Variants in TBCD observed in about 807,000 individuals in gnomAD.
TBCD encodes tubulin-specific chaperone D.
Under a neutral mutation model 169.3 loss-of-function variants are expected in TBCD, and 105 were observed. That is an observed-to-expected ratio of 0.62 (90% confidence interval 0.53 to 0.73). TBCD has a LOEUF of 0.73. Ranked by LOEUF, TBCD falls within the 30% of genes least tolerant of loss-of-function variation. TBCD has a pLI of 0.00. For missense variants in TBCD, 1,444 were observed against 1,600.1 expected, an observed-to-expected ratio of 0.90 and a Z score of 1.66; for synonymous variants, 700 against 643.9, an observed-to-expected ratio of 1.09 and a Z score of -1.32.
chr17:82,832,774 A>T lies in TBCD; in HGVS notation c.1318+17840A>T. The T allele has an allele frequency of 2.3e-6, 1 of 436,462 alleles. No homozygotes were observed. The highest frequency in any genetic ancestry group is 4.2e-6 in the Non-Finnish European group (1 of 236,120). 27.0% of individuals were successfully genotyped at this position (436,462 alleles called of 1,614,324 possible). On this transcript the variant is annotated intron_variant, in intron 13 of 38. Transcript: ENST00000355528. The surrounding 1 kb of genome is among the most constrained non-coding windows in gnomAD (Gnocchi z 4.9). ...GAAACTGCCTGCTCCTGAGGGGAGCAGCTGCCGGTCACAGAAGCAGCCCTG... is the reference window on the plus strand; with the variant it reads ...GAAACTGCCTGCTCCTGAGGGGAGCTGCTGCCGGTCACAGAAGCAGCCCTG...
chr17:82,843,805 G>A (rs758718868), intron 13 of TBCD, among the ~76,000 whole-genome samples: 5 of 152,144 alleles, frequency 3.3e-5, no homozygotes, highest in Non-Finnish European at 4.4e-5. Flanking sequence ...TTTGACAAAT[G>A]TGTTCTCCCA....
At position 82,890,363 on chromosome 17, in the gene TBCD, C is replaced by T. The variant is rs1044298146; in HGVS notation, c.1563+666C>T. On this transcript the variant is annotated intron_variant, in intron 16 of 38. Coordinates refer to ENST00000355528, the MANE Select transcript of TBCD (RefSeq NM_005993.5). The surrounding 1 kb of genome is among the most constrained non-coding windows in gnomAD (Gnocchi z 5.3). ...AGCAAAGTTCCCACGAGAAGTCAGC[C>T]GAGAAGGCTCTGGAGTTCCCGGACA... Among the ~76,000 whole-genome samples, 5 of 152,078 alleles carry T rather than the reference C, an allele frequency of 3.3e-5. No homozygotes were observed. The highest frequency in any genetic ancestry group is 1.3e-4 in the Admixed American group (2 of 15,272).
At chr17:82,878,973 C>G (rs1251850848) in intron 14 of TBCD, among the ~76,000 whole-genome samples, 1 of 151,070 alleles carries the variant, frequency 6.6e-6, no homozygotes. Flanking sequence ...TAATCTAACA[C>G]TAACTATTGT....
Position 82,889,583 on chromosome 17 carries a change from C to G in TBCD, c.1534-85C>G. The G allele has an allele frequency of 1.3e-6, 2 of 1,536,044 alleles. No individual in the cohort carries two copies. The highest frequency in any genetic ancestry group is 2.2e-5 in the East Asian group (1 of 44,492). ...AAAAAATAAAGCCGTGGGTCATTCA[C>G]GTTGTGCTGTTTGTTCTGAACTTGC... is the stretch of plus-strand genomic sequence containing the variant. On this transcript the variant is annotated intron_variant, in intron 15 of 38. Transcript: ENST00000355528. The surrounding 1 kb of genome is among the most constrained non-coding windows in gnomAD (Gnocchi z 5.3).
chr17:82,876,213 C>G (rs1039989473), intron 14 of TBCD, among the ~76,000 whole-genome samples: 34 of 152,192 alleles, frequency 2.2e-4, no homozygotes, highest in African/African-American at 8.2e-4. Flanking sequence ...CCCCTTGACT[C>G]GGACAGGAAA....
At chr17:82,932,386 C>T (rs2125479) in intron 33 of TBCD, among the ~76,000 whole-genome samples, 74,594 of 152,066 alleles carry the variant, frequency 0.49, 18,634 homozygotes, top group East Asian at 0.65. Flanking sequence ...TTTGGACTCT[C>T]CTGTGCCCGA....
rs577519919 is a variant in TBCD at position 82,806,638 on chromosome 17, C to G, written c.1087+627C>G. Among the ~76,000 whole-genome samples the G allele has an allele frequency of 3.3e-5, 5 of 152,246 alleles. No individual in the cohort carries two copies. In the East Asian group the frequency reaches 7.8e-4, roughly 24 times the overall value. ...GAGGCCCCCATCCTCCCAGTATCTC[C>G]CAGCTTCCTGATGGGCAGGCGGGGC... On this transcript the variant is annotated intron_variant, in intron 10 of 38. Coordinates refer to ENST00000355528, the MANE Select transcript of TBCD (RefSeq NM_005993.5). The surrounding 1 kb of genome is among the most constrained non-coding windows in gnomAD (Gnocchi z 5.1).
intron 13 of TBCD, chr17:82,830,105 T>TG (rs1300790535): frequency 6.2e-7 from 1 of 1,611,970 alleles, no homozygotes; most frequent in Admixed American, 1.7e-5. Flanking sequence ...GGCGTGTGTG[T>TG]GGCCGTAGCT....
intron 34 of TBCD, 150 bp downstream of exon 34, chr17:82,932,885 TCA>T: frequency 1.5e-6 from 1 of 684,312 alleles, no homozygotes; most frequent in South Asian, 1.8e-5. Flanking sequence ...AATACCGTCA[TCA>T]CAGCTGGCCC....
intron 38 of TBCD, 80 bp from the exon 39 acceptor site, chr17:82,942,369 C>G: frequency 4.4e-6 from 7 of 1,601,330 alleles, no homozygotes. Flanking sequence ...CACACAGGGC[C>G]CAGAGGGGTG....
intron 13 of TBCD, chr17:82,830,228 C>T: frequency 6.2e-7 from 1 of 1,614,220 alleles, no homozygotes; most frequent in Non-Finnish European, 8.5e-7. Flanking sequence ...TGGGATTTTC[C>T]AGCATCCCTT....
intron 7 of TBCD, among the ~76,000 whole-genome samples, chr17:82,783,484 A>G (rs1796150532): frequency 6.6e-6 from 1 of 152,178 alleles, no homozygotes; most frequent in Admixed American, 6.5e-5. Context: ...TCGTGAGAGA[A>G]ACCTTGATTG....
At chr17:82,882,829 G>A (rs940088807) in intron 14 of TBCD, among the ~76,000 whole-genome samples, 2 of 152,236 alleles carry the variant, frequency 1.3e-5, no homozygotes, top group Non-Finnish European at 2.9e-5. Flanking sequence ...GAGAACAGAC[G>A]GGATGTCATG....
rs1388110719 is a variant in TBCD at position 82,772,261 on chromosome 17, T to C, written c.583-191T>C. ...GCACTTCCTGGGTGAGTGTAGCAGT[T>C]GGCAGCTGTAGCCCTTGGCTCAGAT... On this transcript the variant is annotated intron_variant, in intron 5 of 38. Coordinates refer to ENST00000355528, the MANE Select transcript of TBCD (RefSeq NM_005993.5). Among the ~76,000 whole-genome samples, 3 of 152,194 alleles carry C rather than the reference T, an allele frequency of 2.0e-5. No homozygotes were observed. In the East Asian group the frequency reaches 5.8e-4, roughly 29 times the overall value.
chr17:82,934,441 G>T (rs143231749), intron 34 of TBCD, among the ~76,000 whole-genome samples: 49 of 152,206 alleles, frequency 3.2e-4, no homozygotes, highest in Middle Eastern at 3.4e-3. Flanking sequence ...CGGTTGTGGC[G>T]TATTATCCTT....
Position 82,903,591 on chromosome 17 carries a change from G to A in TBCD, c.1804+113G>A, listed in dbSNP as rs2060032705. 8 of 1,093,738 alleles carry A rather than the reference G, an allele frequency of 7.3e-6. No homozygotes were observed. Among genetic ancestry groups the A allele is most frequent in the Non-Finnish European group, 1.1e-5 (8 of 758,054 alleles). The allele number at this position is 1,093,738 out of a possible 1,614,324, so 67.8% of individuals were successfully genotyped here. ...AATAAGGTTGTGCTTCTGTCTTGGT[G>A]AGAAGCATCTGAGGAAAGAGCTGTG... On this transcript the variant is annotated intron_variant, in intron 19 of 38. Coordinates refer to ENST00000355528, the MANE Select transcript of TBCD (RefSeq NM_005993.5). The surrounding 1 kb of genome is among the most constrained non-coding windows in gnomAD (Gnocchi z 4.8).
intron 34 of TBCD, chr17:82,932,946 G>GT (rs982898067): frequency 3.5e-6 from 2 of 579,574 alleles, no homozygotes; most frequent in Non-Finnish European, 3.1e-6. Context: ...TATTATGACT[G>GT]TAAGTGCAGT....
At position 82,917,025 on chromosome 17, in the gene TBCD, T is replaced by C. The variant is rs200319034; in HGVS notation, c.2039-3531T>C. ...GGACTTTTTTTTTTCTTTTCTTTTCTTTTTTTTTTTTTTGAGTTGGAGTCT... is the reference window on the plus strand; with the variant it reads ...GGACTTTTTTTTTTCTTTTCTTTTCCTTTTTTTTTTTTTGAGTTGGAGTCT... On this transcript the variant is annotated intron_variant, in intron 23 of 38. Coordinates refer to ENST00000355528, the MANE Select transcript of TBCD (RefSeq NM_005993.5). Among the ~76,000 whole-genome samples, 72 of 127,896 alleles carry C rather than the reference T, an allele frequency of 5.6e-4. 2 individuals carry two copies. The highest frequency in any genetic ancestry group is 1.1e-3 in the Admixed American group (15 of 13,172). 83.9% of individuals were successfully genotyped at this position (127,896 alleles called of 152,430 possible). A position where few individuals can be genotyped will look rare whatever the true frequency, so the allele number is the denominator to read the frequency against.
At chr17:82,893,423 C>A in intron 16 of TBCD, 124 bp from the exon 17 acceptor site, 2 of 724,890 alleles carry the variant, frequency 2.8e-6, no homozygotes, top group South Asian at 3.8e-5. Flanking sequence ...GTGGCTTGCT[C>A]ACCACCTGCC....
Sources: allele counts gnomAD v4.1 joint callset (sites outside exome capture counted in the v4.1 genomes callset), GRCh38; gene constraint gnomAD v4.1.1; non-coding constraint Gnocchi (gnomAD v3.1); transcripts MANE v1.5; gene names NCBI Gene and HGNC (gene_info 2026-07-23, HGNC 2026-07-21).